The following C9orf72 variants were observed in gnomAD, a reference collection of about 807,000 sequenced individuals.
C9orf72 encodes C9orf72-SMCR8 complex subunit, also known as guanine nucleotide exchange factor C9orf72.
C9orf72 carries 44 observed loss-of-function variants against 51.6 expected under a neutral mutation model. The observed-to-expected ratio is 0.85, with a 90% CI of 0.67 to 1.10. The LOEUF is 1.10. Among genes scored for constraint, C9orf72 ranks in the 50% least tolerant of loss-of-function variants. C9orf72 has a pLI of 0.00. For synonymous variants in C9orf72, 213 were observed against 194.2 expected (o/e 1.10, Z -0.81); for missense variants, 607 against 570.6 (o/e 1.06, Z -0.65).
In C9orf72 at chr9:27,552,201, G is replaced by A. The variant is rs539224441; in HGVS notation, c.1092-1494C>T. ...GAACTATGCTGAAAAGGAGTGGTGA[G>A]AGTGGACATCCTTGTCTTGTTACGG... On this transcript the variant is annotated intron_variant, in intron 8 of 10. Coordinates refer to ENST00000380003, the MANE Select transcript of C9orf72 (RefSeq NM_018325.5). 2.2e-4 allele frequency among the ~76,000 whole-genome samples: 33 copies of A among 152,174 alleles called. 1 individual carries two copies. Among genetic ancestry groups the A allele is most frequent in the African/African-American group, 7.7e-4 (32 of 41,422 alleles).
intron 8 of C9orf72, among the ~76,000 whole-genome samples, chr9:27,552,889 T>C (rs753473398): frequency 2.6e-5 from 4 of 152,186 alleles, no homozygotes; most frequent in Non-Finnish European, 5.9e-5. Flanking sequence ...TTGAGGATTT[T>C]TGCATCTATA....
chr9:27,571,875 T>A (rs1036061682), intron 1 of C9orf72, among the ~76,000 whole-genome samples: 1 of 152,218 alleles, frequency 6.6e-6, no homozygotes, highest in Non-Finnish European at 1.5e-5. Context: ...GTGAACTGTT[T>A]ACAGTACCAG....
chr9:27,552,360 T>G (rs201195001), intron 8 of C9orf72, among the ~76,000 whole-genome samples: 2,050 of 13,434 alleles, frequency 0.15, 57 homozygotes, highest in African/African-American at 0.24. Context: ...GTGATTTTTC[T>G]TTTTTGAGAC....
chr9:27,563,748 TA>T (rs151188646), intron 3 of C9orf72, among the ~76,000 whole-genome samples: 3,506 of 151,738 alleles, frequency 0.023, 135 homozygotes, highest in African/African-American at 0.08. Flanking sequence ...AAGTTTTATT[TA>T]AAAAAAAACC....
Position 27,565,608 on chromosome 9 carries a change from TA to T in C9orf72, c.445-19del, listed in dbSNP as rs754764539. The T allele has an allele frequency of 6.5e-7, 1 of 1,545,458 alleles. No individual in the cohort carries two copies. The highest frequency in any genetic ancestry group is 1.7e-5 in the Admixed American group (1 of 58,824). On this transcript the variant is annotated intron_variant, in intron 2 of 10. Coordinates refer to ENST00000380003, the MANE Select transcript of C9orf72 (RefSeq NM_018325.5). ...TGTCTTTCCTGAGCAAGAGAAAATT[TA>T]TTTAAAAAAACAACCCACAACATTT...
Position 27,566,850 on chromosome 9 carries a change from C to T in C9orf72, c.271G>A (p.Gly91Arg). The T allele has an allele frequency of 6.2e-7, 1 of 1,613,948 alleles. No homozygotes were observed. Among genetic ancestry groups the T allele is most frequent in the African/African-American group, 1.3e-5 (1 of 75,006 alleles). The change falls in exon 2 of 11, where the codon GGA becomes AGA. Residue 91 changes from glycine to arginine, a missense_variant. Transcript: ENST00000380003. ...AAGATTAATGAAACAATAATCACTC[C>T]CTTTTCAGACAAGACAAAAAACTTT... Reference protein sequence around the residue: ...DVKFFVLSEKGVIIVSLIFDG... With the variant: ...DVKFFVLSEKRVIIVSLIFDG...
intron 1 of C9orf72, among the ~76,000 whole-genome samples, chr9:27,568,475 T>C (rs1819519716): frequency 6.6e-6 from 1 of 152,214 alleles, no homozygotes; most frequent in Non-Finnish European, 1.5e-5. Context: ...TTGGTCCCCT[T>C]GCTCAACTTG....
intron 8 of C9orf72, among the ~76,000 whole-genome samples, chr9:27,553,372 A>G (rs1820947171): frequency 6.6e-6 from 1 of 152,140 alleles, no homozygotes; most frequent in African/African-American, 2.4e-5. Flanking sequence ...AGACACATAG[A>G]CCAATGGAGA....
chr9:27,567,283 T>C, intron 1 of C9orf72, 119 bp from the exon 2 acceptor site: 1 of 617,922 alleles, frequency 1.6e-6, no homozygotes, highest in South Asian at 2.0e-5. Flanking sequence ...TGGAATCCTG[T>C]TATCTCCTAT....
In C9orf72 at chr9:27,558,481, G is replaced by C. The variant is rs986186999; in HGVS notation, c.855+10C>G. On this transcript the variant is annotated intron_variant, in intron 7 of 10. Transcript: ENST00000380003. ...AAAGTGGTTTCACTTGTGATAACTA[G>C]AAACTATACCTTTAGCAGGCCTTGT... 3 of 1,440,426 alleles carry C rather than the reference G, an allele frequency of 2.1e-6. No individual in the cohort carries two copies. Among genetic ancestry groups the C allele is most frequent in the East Asian group, 2.3e-5 (1 of 44,034 alleles). 89.2% of individuals were successfully genotyped at this position (1,440,426 alleles called of 1,614,324 possible).
At chr9:27,558,189 G>T (rs927380335) in intron 7 of C9orf72, among the ~76,000 whole-genome samples, 2 of 149,878 alleles carry the variant, frequency 1.3e-5, no homozygotes, top group Non-Finnish European at 3.0e-5. Flanking sequence ...AAAAAGAAAT[G>T]ATCTTATTTT....
At chr9:27,570,001 C>G (rs1007431802) in intron 1 of C9orf72, among the ~76,000 whole-genome samples, 4 of 152,208 alleles carry the variant, frequency 2.6e-5, no homozygotes, top group African/African-American at 9.7e-5. Flanking sequence ...AGTAGGCATA[C>G]AGAGCCTGGC....
chr9:27,560,272 A>G lies in C9orf72; in HGVS notation c.693T>C (p.Cys231=), dbSNP rs1159589440. 1 of 1,610,608 alleles carries G rather than the reference A, an allele frequency of 6.2e-7. No individual in the cohort carries two copies. The highest frequency in any genetic ancestry group is 1.3e-5 in the African/African-American group (1 of 74,790). Residue 231 remains cysteine, a synonymous_variant, in exon 6 of 11, where the codon TGT becomes TGC. Coordinates refer to ENST00000380003, the MANE Select transcript of C9orf72 (RefSeq NM_018325.5). ...TGCTACCTACTACAACGGAACAGCC[A>G]CAGGTTTGCAAGTGTGAGCTGATGG... ...LNAISSHLQT[C]GCSVVVGSSA...
chr9:27,548,516 A>T (rs1387460399), intron 10 of C9orf72, 41 bp downstream of exon 10: 1 of 1,472,564 alleles, frequency 6.8e-7, no homozygotes, highest in Non-Finnish European at 9.3e-7. Context: ...ACAAAAAAAC[A>T]ATGTACAAAG....
chr9:27,553,094 TC>T (rs1820941624), intron 8 of C9orf72, among the ~76,000 whole-genome samples: 1 of 152,116 alleles, frequency 6.6e-6, no homozygotes, highest in African/African-American at 2.4e-5. Flanking sequence ...GGAAAAACAT[TC>T]CATATTCATA....
chr9:27,562,126 C>T (rs1819364893), intron 4 of C9orf72, among the ~76,000 whole-genome samples: 1 of 152,130 alleles, frequency 6.6e-6, no homozygotes, highest in Non-Finnish European at 1.5e-5. Context: ...GGGATCCTCC[C>T]ACTTTTAGGA....
intron 8 of C9orf72, among the ~76,000 whole-genome samples, chr9:27,552,009 A>C (rs1820918527): frequency 6.6e-6 from 1 of 152,128 alleles, no homozygotes; most frequent in South Asian, 2.1e-4. Flanking sequence ...GAATGCCAAA[A>C]CTTTGCTGAA....
intron 7 of C9orf72, among the ~76,000 whole-genome samples, chr9:27,558,265 C>T (rs1008630018): frequency 1.3e-5 from 2 of 150,194 alleles, no homozygotes; most frequent in African/African-American, 4.9e-5. Context: ...CATGTAGGAA[C>T]AGGGACCCAC....
At chr9:27,548,462 G>GCGCAAAAATTATGAT in intron 10 of C9orf72, 40 bp from the exon 11 acceptor site, 1 of 502,014 alleles carries the variant, frequency 2.0e-6, no homozygotes. Context: ...AAAAAAAAAA[G>GCGCAAAAATTATGAT]AAGCGCAAAA....
Sources: gnomAD v4.1 joint callset for allele counts (sites outside exome capture counted in the v4.1 genomes callset) on GRCh38, gnomAD v4.1.1 for gene constraint, MANE v1.5 for transcripts, NCBI Gene and HGNC (gene_info 2026-07-23, HGNC 2026-07-21) for gene names.